Variants in SPOCK3 observed in about 807,000 individuals in gnomAD.
The protein encoded by SPOCK3 is testican-3.
A neutral mutation model predicts 56.6 loss-of-function variants in SPOCK3; 30 were observed. The observed-to-expected ratio is 0.53, with a 90% CI of 0.40 to 0.72. The LOEUF (loss-of-function observed/expected upper bound fraction) is 0.72. Ranked by LOEUF, SPOCK3 falls within the 30% of genes least tolerant of loss-of-function variation. SPOCK3 has a pLI of 0.00. For synonymous variants in SPOCK3, 196 were observed against 183.3 expected, an observed-to-expected ratio of 1.07 and a Z score of -0.56; for missense variants, 527 against 530.0, an observed-to-expected ratio of 0.99 and a Z score of 0.06.
chr4:166,751,523 T>C (rs1736372812), intron 8 of SPOCK3, among the ~76,000 whole-genome samples: 12 of 152,152 alleles, frequency 7.9e-5, no homozygotes, highest in Admixed American at 5.9e-4. Flanking sequence ...TCATTTCAAA[T>C]ACCAGTTTAT....
At chr4:167,017,453 C>A (rs2703842) in intron 3 of SPOCK3, among the ~76,000 whole-genome samples, 86,091 of 151,870 alleles carry the variant, frequency 0.57, 25,379 homozygotes, top group East Asian at 0.84. Flanking sequence ...CTGAAGTGAT[C>A]TTGTCTCCAG....
chr4:166,797,640 A>G (rs1213654632), intron 6 of SPOCK3, among the ~76,000 whole-genome samples: 1 of 152,058 alleles, frequency 6.6e-6, no homozygotes, highest in African/African-American at 2.4e-5. Flanking sequence ...AACATTTTTT[A>G]TAACAGTATT....
intron 3 of SPOCK3, among the ~76,000 whole-genome samples, chr4:167,016,491 C>G (rs1750627549): frequency 6.6e-6 from 1 of 151,680 alleles, no homozygotes; most frequent in South Asian, 2.1e-4. Flanking sequence ...ATAATTTCCC[C>G]ATGAAGAAAG....
chr4:167,107,741 G>T (rs1388589526), intron 2 of SPOCK3, among the ~76,000 whole-genome samples: 1 of 151,842 alleles, frequency 6.6e-6, no homozygotes, highest in Non-Finnish European at 1.5e-5. Context: ...GACAAATTCG[G>T]TAAAGTTGCA....
chr4:167,221,765 T>C (rs1412243203), intron 2 of SPOCK3, among the ~76,000 whole-genome samples: 2 of 152,100 alleles, frequency 1.3e-5, no homozygotes, highest in Admixed American at 1.3e-4. Flanking sequence ...TCACATCCAT[T>C]CAGATGGCTA....
intron 3 of SPOCK3, among the ~76,000 whole-genome samples, chr4:167,061,718 C>T (rs935977646): frequency 1.3e-5 from 2 of 151,970 alleles, no homozygotes; most frequent in Admixed American, 6.6e-5. Context: ...GACTACTTCA[C>T]AAAGTATTAT....
chr4:167,086,704 A>G (rs1310746487), intron 2 of SPOCK3, among the ~76,000 whole-genome samples: 1 of 152,094 alleles, frequency 6.6e-6, no homozygotes, highest in Non-Finnish European at 1.5e-5. Flanking sequence ...TTCAGATGAA[A>G]ATATTCACTT....
intron 2 of SPOCK3, among the ~76,000 whole-genome samples, chr4:167,144,899 A>T (rs930814881): frequency 6.6e-6 from 1 of 151,870 alleles, no homozygotes; most frequent in African/African-American, 2.4e-5. Context: ...TGAGACAGAG[A>T]ACCATTGGAG....
chr4:166,995,158 T>C (rs1363444817), intron 4 of SPOCK3, among the ~76,000 whole-genome samples: 1 of 152,032 alleles, frequency 6.6e-6, no homozygotes, highest in Non-Finnish European at 1.5e-5. Flanking sequence ...ACTTTTATCA[T>C]AGGTAAAATG....
intron 6 of SPOCK3, among the ~76,000 whole-genome samples, chr4:166,829,568 A>G (rs1486375954): frequency 6.6e-6 from 1 of 152,092 alleles, no homozygotes; most frequent in Non-Finnish European, 1.5e-5. Context: ...TTTTGGAAAG[A>G]TCTTTTAACT....
At chr4:166,974,781 T>C (rs1008823724) in intron 4 of SPOCK3, among the ~76,000 whole-genome samples, 2 of 152,232 alleles carry the variant, frequency 1.3e-5, no homozygotes, top group African/African-American at 2.4e-5. Flanking sequence ...ATATTTTGTC[T>C]ACAGACATGG....
At chr4:167,042,856 C>T (rs1318312976) in intron 3 of SPOCK3, among the ~76,000 whole-genome samples, 1 of 152,044 alleles carries the variant, frequency 6.6e-6, no homozygotes, top group African/African-American at 2.4e-5. Flanking sequence ...GTAAGTCATG[C>T]CAATAAGTGG....
chr4:167,183,117 T>C (rs966281743), intron 2 of SPOCK3, among the ~76,000 whole-genome samples: 1 of 151,998 alleles, frequency 6.6e-6, no homozygotes, highest in Non-Finnish European at 1.5e-5. Flanking sequence ...TTAGAGAATA[T>C]GGAACAGAGC....
chr4:167,053,663 C>T (rs960309374), intron 3 of SPOCK3, among the ~76,000 whole-genome samples: 13 of 151,818 alleles, frequency 8.6e-5, no homozygotes, highest in South Asian at 4.2e-4. Flanking sequence ...CCAGCCTGGG[C>T]GACAGAGTGA....
At chr4:167,191,780 T>C (rs1002109898) in intron 2 of SPOCK3, among the ~76,000 whole-genome samples, 2 of 145,314 alleles carry the variant, frequency 1.4e-5, no homozygotes, top group Non-Finnish European at 3.0e-5. Flanking sequence ...ACATTTCTTT[T>C]TCTTGTCTAA....
intron 5 of SPOCK3, among the ~76,000 whole-genome samples, chr4:166,911,080 G>A (rs1291884261): frequency 6.6e-6 from 1 of 152,044 alleles, no homozygotes; most frequent in South Asian, 2.1e-4. Context: ...CAAAGCCAAG[G>A]CCCTACCTAT....
chr4:166,940,655 G>C (rs1463127920), intron 4 of SPOCK3, among the ~76,000 whole-genome samples: 1 of 151,168 alleles, frequency 6.6e-6, no homozygotes, highest in African/African-American at 2.4e-5. Flanking sequence ...TGAGATATGT[G>C]AAATATGAAC....
intron 3 of SPOCK3, among the ~76,000 whole-genome samples, chr4:167,052,844 T>C (rs967121594): frequency 1.3e-5 from 2 of 152,216 alleles, no homozygotes; most frequent in Non-Finnish European, 2.9e-5. Flanking sequence ...TTGTCTAATC[T>C]ACATAAACTA....
intron 4 of SPOCK3, among the ~76,000 whole-genome samples, chr4:166,992,998 T>C (rs1022256784): frequency 3.3e-5 from 5 of 152,178 alleles, no homozygotes; most frequent in Admixed American, 2.6e-4. Flanking sequence ...CTAGCTGCTC[T>C]ATTTGCCCTC....
Sources: gnomAD v4.1 joint callset for allele counts (sites outside exome capture counted in the v4.1 genomes callset) on GRCh38, gnomAD v4.1.1 for gene constraint, MANE v1.5 for transcripts, NCBI Gene and HGNC (gene_info 2026-07-23, HGNC 2026-07-21) for gene names.